PTPRD: variants seen among roughly 807,000 people sequenced by gnomAD.
The protein encoded by PTPRD is receptor-type tyrosine-protein phosphatase delta.
PTPRD carries 34 observed loss-of-function variants against 214.5 expected under a neutral mutation model. That is an observed-to-expected ratio of 0.16 (90% CI 0.12 to 0.21). The LOEUF (loss-of-function observed/expected upper bound fraction) is 0.21, where lower values mean the gene tolerates loss of function less well. Ranked by LOEUF, PTPRD falls within the 10% of genes least tolerant of loss-of-function variation. PTPRD has a pLI of 1.00. For missense variants in PTPRD, 2,545 were observed against 2,398.7 expected (o/e 1.06, Z -1.27); for synonymous variants, 1,128 against 845.7 (o/e 1.33, Z -5.79).
chr9:10,267,190 CAAAA>C (rs530164049), intron 3 of PTPRD, among the ~76,000 whole-genome samples: 2 of 76,028 alleles, frequency 2.6e-5, no homozygotes, highest in Non-Finnish European at 2.7e-5. Flanking sequence ...GACTCCGTCT[CAAAA>C]AAAAAAAAAA....
intron 7 of PTPRD, among the ~76,000 whole-genome samples, chr9:9,642,233 T>C (rs546467364): frequency 3.2e-5 from 4 of 125,552 alleles, no homozygotes; most frequent in African/African-American, 9.2e-5. Context: ...CATGGACACA[T>C]GAAGGGGAAT....
chr9:10,210,986 C>G (rs2498595), intron 3 of PTPRD, among the ~76,000 whole-genome samples: 14,404 of 150,778 alleles, frequency 0.096, 822 homozygotes, highest in South Asian at 0.15. Flanking sequence ...AAAAAGGGTA[C>G]ACATTTTTGT....
chr9:9,095,791 T>C (rs2099782663), intron 10 of PTPRD, among the ~76,000 whole-genome samples: 1 of 152,206 alleles, frequency 6.6e-6, no homozygotes, highest in Admixed American at 6.5e-5. Flanking sequence ...TTTGTTAAGA[T>C]ATTTTCATTC....
chr9:9,689,400 CAT>C (rs981120767), intron 7 of PTPRD, among the ~76,000 whole-genome samples: 12 of 151,702 alleles, frequency 7.9e-5, no homozygotes, highest in African/African-American at 2.7e-4. Context: ...AAGAGATGCA[CAT>C]GTTTCAGGGT....
chr9:9,910,942 G>T (rs915742987), intron 5 of PTPRD, among the ~76,000 whole-genome samples: 8 of 151,842 alleles, frequency 5.3e-5, no homozygotes, highest in African/African-American at 1.9e-4. Flanking sequence ...ATTCCAGTGG[G>T]AATCATTTTC....
At chr9:9,759,484 T>A (rs1411597553) in intron 6 of PTPRD, among the ~76,000 whole-genome samples, 1 of 152,046 alleles carries the variant, frequency 6.6e-6, no homozygotes, top group Non-Finnish European at 1.5e-5. Flanking sequence ...TTTTAAATTT[T>A]GAGTATAAAC....
chr9:9,697,043 T>C (rs1179688890), intron 7 of PTPRD, among the ~76,000 whole-genome samples: 5 of 152,110 alleles, frequency 3.3e-5, no homozygotes, highest in African/African-American at 1.2e-4. Flanking sequence ...AAGAAAAAAT[T>C]AGAAACAAAG....
intron 4 of PTPRD, among the ~76,000 whole-genome samples, chr9:9,977,926 T>C (rs1255414880): frequency 9.7e-6 from 1 of 103,008 alleles, no homozygotes; most frequent in Non-Finnish European, 2.5e-5. Context: ...AACATACCTT[T>C]CCAGAAAAAA....
intron 4 of PTPRD, among the ~76,000 whole-genome samples, chr9:9,955,437 A>T (rs2093819605): frequency 6.6e-6 from 1 of 152,016 alleles, no homozygotes; most frequent in South Asian, 2.1e-4. Flanking sequence ...ACCGTTTGTT[A>T]TATATCAATT....
chr9:8,800,553 G>A (rs762098868), intron 11 of PTPRD, among the ~76,000 whole-genome samples: 2 of 152,146 alleles, frequency 1.3e-5, no homozygotes, highest in Non-Finnish European at 2.9e-5. Flanking sequence ...CCAACACTAT[G>A]ACAGTTTACA....
intron 3 of PTPRD, among the ~76,000 whole-genome samples, chr9:10,222,636 A>G (rs932242195): frequency 1.1e-4 from 16 of 152,078 alleles, no homozygotes; most frequent in African/African-American, 3.9e-4. Context: ...GAGTAGCCCA[A>G]GGAACAGAAA....
chr9:9,078,337 C>G (rs1253276704), intron 10 of PTPRD, among the ~76,000 whole-genome samples: 2 of 152,016 alleles, frequency 1.3e-5, no homozygotes, highest in Admixed American at 1.3e-4. Flanking sequence ...TTAATTATAT[C>G]ATAGTTAAAT....
chr9:9,014,451 G>T (rs2099525892), intron 11 of PTPRD, among the ~76,000 whole-genome samples: 1 of 152,012 alleles, frequency 6.6e-6, no homozygotes, highest in Non-Finnish European at 1.5e-5. Context: ...ACTAAATTCA[G>T]TTTTATAAAA....
chr9:10,255,810 T>C (rs908003077), intron 3 of PTPRD, among the ~76,000 whole-genome samples: 1 of 152,198 alleles, frequency 6.6e-6, no homozygotes, highest in Non-Finnish European at 1.5e-5. Flanking sequence ...TTAGTCATTA[T>C]TACTATTATT....
intron 12 of PTPRD, among the ~76,000 whole-genome samples, chr9:8,664,658 C>T (rs1410866194): frequency 2.0e-5 from 3 of 152,206 alleles, no homozygotes; most frequent in African/African-American, 7.2e-5. Flanking sequence ...ATATAATCCT[C>T]TTAAATGCAT....
intron 3 of PTPRD, among the ~76,000 whole-genome samples, chr9:10,101,775 T>C (rs1482763336): frequency 1.3e-5 from 2 of 151,708 alleles, no homozygotes; most frequent in Non-Finnish European, 1.5e-5. Flanking sequence ...GTAAGAGTGA[T>C]ATAAAATCAT....
At chr9:8,853,852 G>C (rs1389649809) in intron 11 of PTPRD, among the ~76,000 whole-genome samples, 2 of 152,028 alleles carry the variant, frequency 1.3e-5, no homozygotes, top group East Asian at 3.9e-4. Context: ...TTTCCTAAAA[G>C]ATATTTTCAA....
chr9:8,346,054 G>T (rs531968909), intron 39 of PTPRD, among the ~76,000 whole-genome samples: 1 of 152,096 alleles, frequency 6.6e-6, no homozygotes, highest in East Asian at 1.9e-4. Context: ...CAAAAATAAA[G>T]ATTCTAAGCT....
In PTPRD at chr9:9,195,090, A is replaced by ATATATATATATATATG. The variant is rs1569560950; in HGVS notation, c.-202-11728_-202-11727insCATATATATATATATA. Among the ~76,000 whole-genome samples the ATATATATATATATATG allele has an allele frequency of 4.3e-4, 54 of 125,904 alleles. No individual in the cohort carries two copies. In the Admixed American group the frequency reaches 4.5e-3, roughly 11 times the overall value. The allele number at this position is 125,904 out of a possible 152,430, so 82.6% of individuals were successfully genotyped here. A position where few individuals can be genotyped will look rare whatever the true frequency, so the allele number is the denominator to read the frequency against. ...TATACATATGTGTGTGTTTGTGTAT[A>ATATATATATATATATG]TATATATATATATATATACACACAC... On this transcript the variant is annotated intron_variant, in intron 9 of 45. Transcript: ENST00000381196.
Sources: gnomAD v4.1 joint callset for allele counts (sites outside exome capture counted in the v4.1 genomes callset) on GRCh38, gnomAD v4.1.1 for gene constraint, MANE v1.5 for transcripts, NCBI Gene and HGNC (gene_info 2026-07-23, HGNC 2026-07-21) for gene names.